The following LRRC61 variants were observed in gnomAD, a reference collection of about 807,000 sequenced individuals.
LRRC61 encodes the protein leucine rich repeat containing 61.
In LRRC61, 9 loss-of-function variants were observed where a neutral mutation model predicts 15.1. The ratio of observed to expected loss-of-function variants is 0.60; its 90% CI spans 0.36 to 1.04. LRRC61 has a LOEUF of 1.04. LRRC61 is among the 50% of genes least tolerant of loss of function. The pLI, the probability that LRRC61 is intolerant of heterozygous loss-of-function variation, is 0.01. For missense variants in LRRC61, 344 were observed against 335.6 expected (o/e 1.03, Z -0.20); for synonymous variants, 173 against 158.6 (o/e 1.09, Z -0.68).
chr7:150,325,444 G>C (rs1419386176), intron 1 of LRRC61, among the ~76,000 whole-genome samples: 1 of 152,222 alleles, frequency 6.6e-6, no homozygotes, highest in East Asian at 1.9e-4. Flanking sequence ...CCAATGTGTT[G>C]TCAGCTGTGG....
At position 150,336,768 on chromosome 7, in the gene LRRC61, C is replaced by T; in HGVS notation, c.-94C>T. 6.6e-7 allele frequency: 1 copy of T among 1,505,732 alleles called. No individual in the cohort carries two copies. The highest frequency in any genetic ancestry group is 8.9e-7 in the Non-Finnish European group (1 of 1,125,492). The allele number at this position is 1,505,732 out of a possible 1,614,324, so 93.3% of individuals were successfully genotyped here. ...TCGGAACCAGGCCTCCTGGCACTGG[C>T]CTGGGTAGAGCCAGGGCGAGCACCA... On this transcript the variant is annotated 5_prime_UTR_variant, in exon 3 of 3. Transcript: ENST00000359623.
chr7:150,316,882 G>T, the LRRC61 span, among the ~76,000 whole-genome samples: 1 of 152,126 alleles, frequency 6.6e-6, no homozygotes, highest in African/African-American at 2.4e-5. Flanking sequence ...TAGATATTTA[G>T]TCCTCCTGCC....
chr7:150,331,219 C>A, intron 2 of LRRC61: 1 of 1,201,222 alleles, frequency 8.3e-7, no homozygotes, highest in South Asian at 1.6e-5. Context: ...CAACCTGGAG[C>A]AGTTCCCCAA....
At chr7:150,321,133 A>G (rs1265134857), upstream of LRRC61, among the ~76,000 whole-genome samples, 1 of 152,180 alleles carries the variant, frequency 6.6e-6, no homozygotes, top group African/African-American at 2.4e-5. Context: ...GCTTGTGTTC[A>G]GCAAAAATCT....
chr7:150,322,630 C>T (rs2129617865), upstream of LRRC61: 1 of 152,252 alleles, frequency 6.6e-6, no homozygotes, highest in East Asian at 1.9e-4. Flanking sequence ...CCTTGTTTAG[C>T]ATATAATCAA....
Position 150,333,194 on chromosome 7 carries a change from TGAAAG to T in LRRC61, c.-144-3520_-144-3516del, listed in dbSNP as rs1275095069. Among the ~76,000 whole-genome samples, 1 of 152,078 alleles carries T rather than the reference TGAAAG, an allele frequency of 6.6e-6. No individual in the cohort carries two copies. The highest frequency in any genetic ancestry group is 1.5e-5 in the Non-Finnish European group (1 of 68,010). ...AGAACGTGAGAAGATTGGGTGAGGA[TGAAAG>T]GAAGAGGGTGAGAGAGCTTGATGGC... is the stretch of plus-strand genomic sequence containing the variant. On this transcript the variant is annotated intron_variant, in intron 2 of 2. Transcript: ENST00000359623. The surrounding 1 kb of genome is among the most constrained non-coding windows in gnomAD (Gnocchi z 4.3).
At chr7:150,310,612 T>C in the LRRC61 span, among the ~76,000 whole-genome samples, 3,825 of 152,156 alleles carry the variant, frequency 0.025, 85 homozygotes, top group Non-Finnish European at 0.041. Context: ...ATGCCTTCTT[T>C]ACCATCCCCT....
chr7:150,328,029 C>T (rs745766359), intron 2 of LRRC61, among the ~76,000 whole-genome samples: 1 of 152,144 alleles, frequency 6.6e-6, no homozygotes, highest in Non-Finnish European at 1.5e-5. Flanking sequence ...CACATTGACT[C>T]AGGTTTGGAA....
intron 1 of LRRC61, 142 bp downstream of exon 1, chr7:150,323,702 A>G (rs1179044228): frequency 1.5e-5 from 7 of 455,936 alleles, no homozygotes; most frequent in Non-Finnish European, 3.1e-5. Flanking sequence ...CGGAACAGCC[A>G]GCCCTTACCC....
rs1585043736 is a variant in LRRC61, at chr7:150,330,175, G to C, written c.-145+4165G>C. The C allele has an allele frequency of 3.4e-6, 2 of 583,286 alleles. No homozygotes were observed. Among genetic ancestry groups the C allele is most frequent in the African/African-American group, 1.9e-5 (1 of 53,476 alleles). The allele number at this position is 583,286 out of a possible 1,614,324, so 36.1% of individuals were successfully genotyped here. ...TTCTAAGGCTCTGTGGAGGCCCAGG[G>C]ACTCCTCACCCAGCTCCAGCGCCAG... On this transcript the variant is annotated intron_variant, in intron 2 of 2. Coordinates refer to ENST00000359623, the MANE Select transcript of LRRC61 (RefSeq NM_001142928.2). This position sits in a 1 kb window ranked among gnomAD's most constrained non-coding sequence, Gnocchi z 4.6.
rs931338540 is a variant in LRRC61 at position 150,333,219 on chromosome 7, G to C, written c.-144-3499G>C. Among the ~76,000 whole-genome samples the C allele has an allele frequency of 6.6e-6, 1 of 152,194 alleles. No individual in the cohort carries two copies. The highest frequency in any genetic ancestry group is 1.5e-5 in the Non-Finnish European group (1 of 68,012). On this transcript the variant is annotated intron_variant, in intron 2 of 2. Coordinates refer to ENST00000359623, the MANE Select transcript of LRRC61 (RefSeq NM_001142928.2). The surrounding 1 kb of genome is among the most constrained non-coding windows in gnomAD (Gnocchi z 4.3). ...TGAAAGGAAGAGGGTGAGAGAGCTTGATGGCACCGAACCAGGGGGCTTGGG... is the reference window on the plus strand; with the variant it reads ...TGAAAGGAAGAGGGTGAGAGAGCTTCATGGCACCGAACCAGGGGGCTTGGG...
chr7:150,330,354 A>G lies in LRRC61; in HGVS notation c.-145+4344A>G. The G allele has an allele frequency of 1.3e-6, 1 of 755,586 alleles. No homozygotes were observed. Among genetic ancestry groups the G allele is most frequent in the Non-Finnish European group, 2.4e-6 (1 of 413,498 alleles). The allele number at this position is 755,586 out of a possible 1,614,324, so 46.8% of individuals were successfully genotyped here. ...GAAGGCTGGTGTTGCCTTGTCGGCC[A>G]CATTCTGGAGCCCGGCAGACAGCCT... On this transcript the variant is annotated intron_variant, in intron 2 of 2. Transcript: ENST00000359623. This position sits in a 1 kb window ranked among gnomAD's most constrained non-coding sequence, Gnocchi z 4.6.
rs1302601635 is a variant in LRRC61 at position 150,333,109 on chromosome 7, G to A, written c.-144-3609G>A. ...TCTGCTGTGTGGCATCACCGAGCGG[G>A]CTCATGTTCTGGGAGAGGACTGGGA... On this transcript the variant is annotated intron_variant, in intron 2 of 2. Coordinates refer to ENST00000359623, the MANE Select transcript of LRRC61 (RefSeq NM_001142928.2). The surrounding 1 kb of genome is among the most constrained non-coding windows in gnomAD (Gnocchi z 4.3). 6.6e-6 allele frequency among the ~76,000 whole-genome samples: 1 copy of A among 152,218 alleles called. No homozygotes were observed. The highest frequency in any genetic ancestry group is 2.1e-4 in the South Asian group (1 of 4,828).
At chr7:150,316,011 A>T in the LRRC61 span, among the ~76,000 whole-genome samples, 1 of 152,232 alleles carries the variant, frequency 6.6e-6, no homozygotes, top group African/African-American at 2.4e-5. Flanking sequence ...CAGCCTGACC[A>T]ACATGGAGAA....
At chr7:150,316,589 G>A in the LRRC61 span, among the ~76,000 whole-genome samples, 19 of 149,338 alleles carry the variant, frequency 1.3e-4, no homozygotes, top group Admixed American at 7.4e-4. Context: ...AGGTTCAAGC[G>A]ATTCTCCTGC....
In LRRC61 at chr7:150,336,963, GC is replaced by G; in HGVS notation, c.103del (p.Leu35TyrfsTer2). ...GCGAGTTCTCCCTGGAGTCCATCCT[GC>G]TACTGAAGCTGCGTGGCTTGGGACT... is the stretch of plus-strand genomic sequence containing the variant. ...TGEFSLESILLLKLRGLGLAD... is the reference protein window; with the variant it reads ...TGEFSLESILXLKLRGLGLAD... On this transcript the variant is annotated frameshift_variant, in exon 3 of 3. Transcript: ENST00000359623. LOFTEE classifies it high-confidence loss of function. 6.2e-7 allele frequency: 1 copy of G among 1,614,000 alleles called. No individual in the cohort carries two copies. The highest frequency in any genetic ancestry group is 1.3e-5 in the African/African-American group (1 of 75,080).
At position 150,335,416 on chromosome 7, in the gene LRRC61, A is replaced by G. The variant is rs1314847425; in HGVS notation, c.-144-1302A>G. 1.3e-5 allele frequency among the ~76,000 whole-genome samples: 2 copies of G among 152,238 alleles called. No individual in the cohort carries two copies. Among genetic ancestry groups the G allele is most frequent in the Non-Finnish European group, 2.9e-5 (2 of 68,034 alleles). The stretch of plus-strand genomic sequence containing the variant: ...GTTGCAGACTAGAAGGGAGCTAGAT[A>G]AGGAAATGGGGGCCATAAGCACAAG... On this transcript the variant is annotated intron_variant, in intron 2 of 2. Coordinates refer to ENST00000359623, the MANE Select transcript of LRRC61 (RefSeq NM_001142928.2). The surrounding 1 kb of genome is among the most constrained non-coding windows in gnomAD (Gnocchi z 4.3).
chr7:150,331,192 C>G, intron 2 of LRRC61: 1 of 1,436,976 alleles, frequency 7.0e-7, no homozygotes. Context: ...CATTGAGCAT[C>G]TCCTCTTCTT....
the LRRC61 span, among the ~76,000 whole-genome samples, chr7:150,315,292 G>A: frequency 6.6e-6 from 1 of 152,038 alleles, no homozygotes; most frequent in Non-Finnish European, 1.5e-5. Context: ...ATAAACTTCT[G>A]TCCTGCTAAA....
Sources: gnomAD v4.1 joint callset for allele counts (sites outside exome capture counted in the v4.1 genomes callset) on GRCh38, gnomAD v4.1.1 for gene constraint, Gnocchi (gnomAD v3.1) non-coding constraint, MANE v1.5 for transcripts, NCBI Gene and HGNC (gene_info 2026-07-23, HGNC 2026-07-21) for gene names.